The following GSTCD variants were observed in gnomAD, a reference collection of about 807,000 sequenced individuals.
GSTCD encodes glutathione S-transferase C-terminal domain containing.
In GSTCD, 44 loss-of-function variants were observed where a neutral mutation model predicts 68.3. That is an observed-to-expected ratio of 0.64 (90% confidence interval 0.51 to 0.83). GSTCD has a LOEUF of 0.83. Ranked by LOEUF, GSTCD falls within the 40% of genes least tolerant of loss-of-function variation. The pLI, the probability that GSTCD is intolerant of heterozygous loss-of-function variation, is 0.00. For synonymous variants in GSTCD, 273 were observed against 255.2 expected (o/e 1.07, Z -0.67); for missense variants, 739 against 735.9 (o/e 1.00, Z -0.05).
chr4:105,813,705 CTA>C (rs1722848949), intron 5 of GSTCD, among the ~76,000 whole-genome samples: 1 of 152,166 alleles, frequency 6.6e-6, no homozygotes, highest in African/African-American at 2.4e-5. Flanking sequence ...TACCTAAAGA[CTA>C]TTGCATCAGC....
intron 10 of GSTCD, among the ~76,000 whole-genome samples, chr4:105,841,543 C>T (rs1015017529): frequency 2.0e-5 from 3 of 151,948 alleles, no homozygotes; most frequent in Non-Finnish European, 1.5e-5. Flanking sequence ...TTAAGAGCTA[C>T]ATCTGGGCCA....
intron 5 of GSTCD, chr4:105,761,307 A>G (rs1235851424): frequency 1.3e-5 from 2 of 159,786 alleles, no homozygotes; most frequent in African/African-American, 4.8e-5. Context: ...CGGACTCAAT[A>G]TGCTTTTAAA....
intron 5 of GSTCD, among the ~76,000 whole-genome samples, chr4:105,747,390 G>A (rs1369628772): frequency 6.6e-6 from 1 of 152,182 alleles, no homozygotes; most frequent in African/African-American, 2.4e-5. Context: ...TCTCTTACAG[G>A]TCTGGGGTAG....
chr4:105,800,332 C>G (rs1304560537), intron 5 of GSTCD, among the ~76,000 whole-genome samples: 1 of 152,112 alleles, frequency 6.6e-6, no homozygotes, highest in African/African-American at 2.4e-5. Context: ...AGACCCACCC[C>G]CATAATTCAA....
intron 7 of GSTCD, chr4:105,823,769 C>T (rs1162824401): frequency 6.6e-6 from 1 of 151,918 alleles, no homozygotes; most frequent in Admixed American, 6.6e-5. Context: ...AGTCACTGTC[C>T]ATAGGGATGC....
chr4:105,724,231 CCT>C (rs1732959695), intron 3 of GSTCD, among the ~76,000 whole-genome samples: 2 of 151,528 alleles, frequency 1.3e-5, no homozygotes, highest in African/African-American at 4.8e-5. Flanking sequence ...ACATTTGTTG[CCT>C]CTCAAAGAAG....
At chr4:105,731,569 A>G (rs1461012828) in intron 5 of GSTCD, among the ~76,000 whole-genome samples, 1 of 152,216 alleles carries the variant, frequency 6.6e-6, no homozygotes, top group Non-Finnish European at 1.5e-5. Flanking sequence ...ATTTTTGCAC[A>G]TTGATTTTGT....
intron 9 of GSTCD, among the ~76,000 whole-genome samples, chr4:105,835,849 G>T (rs1212725579): frequency 6.6e-6 from 1 of 152,172 alleles, no homozygotes; most frequent in Admixed American, 6.5e-5. Context: ...CAGCTCTCAG[G>T]AGATAAAGTG....
intron 5 of GSTCD, among the ~76,000 whole-genome samples, chr4:105,732,197 T>C (rs1733269785): frequency 6.6e-6 from 1 of 152,246 alleles, no homozygotes; most frequent in Non-Finnish European, 1.5e-5. Context: ...AGGATGATGC[T>C]GGCCTCATAA....
intron 5 of GSTCD, among the ~76,000 whole-genome samples, chr4:105,779,420 A>G (rs769745403): frequency 9.9e-5 from 15 of 152,238 alleles, no homozygotes; most frequent in Non-Finnish European, 1.8e-4. Flanking sequence ...AAATTTTGGA[A>G]ATTTGGAAAG....
At chr4:105,765,947 C>T (rs1734590304) in intron 5 of GSTCD, among the ~76,000 whole-genome samples, 1 of 152,188 alleles carries the variant, frequency 6.6e-6, no homozygotes, top group Non-Finnish European at 1.5e-5. Flanking sequence ...AATTAAACCT[C>T]TTTACTTTAT....
chr4:105,786,943 A>C (rs781387190), intron 5 of GSTCD, among the ~76,000 whole-genome samples: 1 of 152,094 alleles, frequency 6.6e-6, no homozygotes, highest in Non-Finnish European at 1.5e-5. Flanking sequence ...CAGTCCCTTA[A>C]AGCTTAAACA....
chr4:105,828,340 A>G (rs1223471421), intron 8 of GSTCD, among the ~76,000 whole-genome samples: 2 of 152,214 alleles, frequency 1.3e-5, no homozygotes, highest in African/African-American at 4.8e-5. Context: ...ATGTGTAATT[A>G]TAGACTGTAA....
chr4:105,808,956 A>C lies in GSTCD; in HGVS notation c.1241-13998A>C, dbSNP rs1162808993. 5.9e-5 allele frequency among the ~76,000 whole-genome samples: 9 copies of C among 152,076 alleles called. No homozygotes were observed. The East Asian group carries it at 1.7e-3, about 29-fold the overall frequency. On this transcript the variant is annotated intron_variant, in intron 5 of 11. Coordinates refer to ENST00000515279, the MANE Select transcript of GSTCD (RefSeq NM_001370181.1). ...ATTGCAGTGCTTGAGTCCAAATTTT[A>C]CTTAATAATGGCTCCAAAGCACAAA...
At chr4:105,781,436 G>A (rs868157893) in intron 5 of GSTCD, among the ~76,000 whole-genome samples, 1 of 143,756 alleles carries the variant, frequency 7.0e-6, no homozygotes, top group Non-Finnish European at 1.5e-5. Flanking sequence ...TAAAGTTTTT[G>A]TAGAGATGGA....
rs890527307 is a variant in GSTCD at position 105,846,020 on chromosome 4, T to C, written c.*443T>C. 1 of 158,412 alleles carries C rather than the reference T, an allele frequency of 6.3e-6. No individual in the cohort carries two copies. The allele number at this position is 158,412 out of a possible 1,614,324, so 9.8% of individuals were successfully genotyped here. A position where few individuals can be genotyped will look rare whatever the true frequency, so the allele number is the denominator to read the frequency against. ...TTTTTGTTTTTTATATTTTTAACAA[T>C]TGTACTTTTTCTATCACTTTAAAAA... On this transcript the variant is annotated 3_prime_UTR_variant, in exon 12 of 12. Coordinates refer to ENST00000515279, the MANE Select transcript of GSTCD (RefSeq NM_001370181.1).
intron 8 of GSTCD, among the ~76,000 whole-genome samples, chr4:105,834,075 T>C (rs1258187910): frequency 6.6e-6 from 1 of 152,200 alleles, no homozygotes; most frequent in African/African-American, 2.4e-5. Context: ...ACATGTCATA[T>C]TGTTAACCAT....
At chr4:105,808,258 C>T (rs191816727) in intron 5 of GSTCD, among the ~76,000 whole-genome samples, 15 of 152,186 alleles carry the variant, frequency 9.9e-5, no homozygotes, top group Admixed American at 4.6e-4. Flanking sequence ...AAACTCAGGG[C>T]TTAGTCCTTA....
rs761574598 is a variant in GSTCD, at chr4:105,710,232, A to ATTTTTTTTTT, written c.-22+1230_-22+1239dup. Reference sequence around the variant, plus strand: ...AGCTTCTGTAGTAGTGGGCCCATCAATTTTTTTTTTTTTTTTTTTTTTTGA... The same window carrying ATTTTTTTTTT: ...AGCTTCTGTAGTAGTGGGCCCATCAATTTTTTTTTTTTTTTTTTTTTTTTTTTTTTTTTGA... On this transcript the variant is annotated intron_variant, in intron 1 of 11. Transcript: ENST00000515279. 4.7e-4 allele frequency among the ~76,000 whole-genome samples: 40 copies of ATTTTTTTTTT among 85,684 alleles called. 7 individuals are homozygous for ATTTTTTTTTT. The highest frequency in any genetic ancestry group is 1.6e-3 in the African/African-American group (28 of 17,844). 56.2% of individuals were successfully genotyped at this position (85,684 alleles called of 152,430 possible). A position where few individuals can be genotyped will look rare whatever the true frequency, so the allele number is the denominator to read the frequency against.
Sources: allele counts gnomAD v4.1 joint callset (sites outside exome capture counted in the v4.1 genomes callset), GRCh38; gene constraint gnomAD v4.1.1; transcripts MANE v1.5; gene names NCBI Gene and HGNC (gene_info 2026-07-23, HGNC 2026-07-21).